LPCAT3: variants seen among roughly 807,000 people sequenced by gnomAD.
The protein encoded by LPCAT3 is lysophospholipid acyltransferase 5.
A neutral mutation model predicts 63.4 loss-of-function variants in LPCAT3; 21 were observed. The ratio of observed to expected loss-of-function variants is 0.33; its 90% CI spans 0.23 to 0.48. The LOEUF (loss-of-function observed/expected upper bound fraction) is 0.48, where lower values mean the gene tolerates loss of function less well. Ranked by LOEUF, LPCAT3 falls within the 20% of genes least tolerant of loss-of-function variation. The pLI is 0.99. For missense variants in LPCAT3, 451 were observed against 590.6 expected (o/e 0.76, Z 2.45); for synonymous variants, 242 against 227.5 (o/e 1.06, Z -0.58).
In LPCAT3 at chr12:6,981,108, G is replaced by C. The variant is rs1555154003; in HGVS notation, c.573C>G (p.Ser191=). ...CTACCAAGAAGGCCCCATAGAAGTA[G>C]GAGAAACCAGCAACTTCCAGCAGGG... ...VPSLLEVAGF[S]YFYGAFLVGP... is the part of the protein sequence containing the mutation. The change falls in exon 6 of 13, where the codon TCC becomes TCG. Residue 191 remains serine (S), a synonymous_variant. Coordinates refer to ENST00000261407, the MANE Select transcript of LPCAT3 (RefSeq NM_005768.6). 6.2e-7 allele frequency: 1 copy of C among 1,614,040 alleles called. No individual in the cohort carries two copies. The highest frequency in any genetic ancestry group is 8.5e-7 in the Non-Finnish European group (1 of 1,179,950).
At chr12:6,979,692 T>C in intron 6 of LPCAT3, 113 bp from the exon 7 acceptor site, 1 of 718,088 alleles carries the variant, frequency 1.4e-6, no homozygotes, top group Non-Finnish European at 2.4e-6. Context: ...CTACCTGGAA[T>C]GGGATGAGAA....
chr12:7,002,606 T>C (rs1298665604), intron 1 of LPCAT3, among the ~76,000 whole-genome samples: 30 of 152,270 alleles, frequency 2.0e-4, no homozygotes, highest in African/African-American at 7.2e-4. Flanking sequence ...ATTCTAAAGA[T>C]AACCATGAGA....
rs1946471897 is a variant in LPCAT3 at position 6,981,613 on chromosome 12, A to G, written c.480T>C (p.Phe160=). ...LKLIGLAVDY[F]DGGKDQNSLS... is the part of the protein sequence containing the mutation. ...TACTTACCTGATCTTTCCCTCCGTC[A>G]AAGTAGTCAACAGCCAAACCTGAGC... Residue 160 remains phenylalanine (F), a synonymous_variant, in exon 5 of 13, where the codon TTT becomes TTC. Coordinates refer to ENST00000261407, the MANE Select transcript of LPCAT3 (RefSeq NM_005768.6). 1.2e-6 allele frequency: 2 copies of G among 1,614,108 alleles called. No individual in the cohort carries two copies. Among genetic ancestry groups the G allele is most frequent in the Non-Finnish European group, 1.7e-6 (2 of 1,180,004 alleles).
At chr12:7,006,722 C>T (rs1470810707) in intron 1 of LPCAT3, among the ~76,000 whole-genome samples, 1 of 152,146 alleles carries the variant, frequency 6.6e-6, no homozygotes, top group Non-Finnish European at 1.5e-5. Flanking sequence ...CAACTTTAAT[C>T]AATCTTTTCC....
At chr12:6,993,828 TCTTGAATTC>T (rs1207392131) in intron 1 of LPCAT3, among the ~76,000 whole-genome samples, 1 of 152,210 alleles carries the variant, frequency 6.6e-6, no homozygotes, top group African/African-American at 2.4e-5. Context: ...CTCAGGCTGG[TCTTGAATTC>T]CTGAGCTCAA....
chr12:6,990,528 A>C (rs1404204555), intron 1 of LPCAT3, among the ~76,000 whole-genome samples: 6 of 115,504 alleles, frequency 5.2e-5, no homozygotes, highest in Admixed American at 4.8e-4. Context: ...ATTAAAATAA[A>C]ATAAATAAAT....
chr12:6,983,639 G>GA, intron 1 of LPCAT3, 100 bp from the exon 2 acceptor site: 181 of 688,300 alleles, frequency 2.6e-4, no homozygotes, highest in Non-Finnish European at 3.8e-4. Flanking sequence ...CAGAGGGAGA[G>GA]AGAAAAAAAA....
At chr12:6,991,423 T>C (rs1214472088) in intron 1 of LPCAT3, among the ~76,000 whole-genome samples, 1 of 152,246 alleles carries the variant, frequency 6.6e-6, no homozygotes, top group African/African-American at 2.4e-5. Flanking sequence ...CATAGATCAC[T>C]GCAAAATACT....
At chr12:7,015,954 C>T (rs1327386948) in intron 1 of LPCAT3, among the ~76,000 whole-genome samples, 4 of 152,140 alleles carry the variant, frequency 2.6e-5, no homozygotes, top group African/African-American at 9.7e-5. Flanking sequence ...TTCTTTATGT[C>T]AACAAACAAA....
In LPCAT3 at chr12:6,977,781, G is replaced by A; in HGVS notation, c.1041-36C>T. 2 of 1,612,498 alleles carry A rather than the reference G, an allele frequency of 1.2e-6. No individual in the cohort carries two copies. The highest frequency in any genetic ancestry group is 1.7e-6 in the Non-Finnish European group (2 of 1,179,372). On this transcript the variant is annotated intron_variant, in intron 9 of 12. Coordinates refer to ENST00000261407, the MANE Select transcript of LPCAT3 (RefSeq NM_005768.6). The surrounding 1 kb of genome is among the most constrained non-coding windows in gnomAD (Gnocchi z 4.5). The stretch of plus-strand genomic sequence containing the variant: ...GGGTGGGTGGGGCGACCCTCAAACT[G>A]ACTGGTCCTTGCATCCCGCCACCTG...
intron 1 of LPCAT3, among the ~76,000 whole-genome samples, chr12:6,989,537 A>T (rs1946567806): frequency 6.6e-6 from 1 of 151,980 alleles, no homozygotes; most frequent in South Asian, 2.1e-4. Context: ...TGACCTCGTG[A>T]TCCGCCCGCC....
rs1160824017 is a variant in LPCAT3 at position 6,987,787 on chromosome 12, T to C, written c.152-4248A>G. On this transcript the variant is annotated intron_variant, in intron 1 of 12. Transcript: ENST00000261407. The surrounding 1 kb of genome is among the most constrained non-coding windows in gnomAD (Gnocchi z 4.1). ...TCTAATTTAACATTTTCTAGGTGTC[T>C]GGATCGTATCTATTCCAGAGTAAAG... is the stretch of plus-strand genomic sequence containing the variant. 2.5e-5 allele frequency: 10 copies of C among 400,686 alleles called. No individual in the cohort carries two copies. Among genetic ancestry groups the C allele is most frequent in the Non-Finnish European group, 4.4e-5 (10 of 226,248 alleles). 24.8% of individuals were successfully genotyped at this position (400,686 alleles called of 1,614,324 possible).
At chr12:6,997,733 G>A (rs1555156205) in intron 1 of LPCAT3, among the ~76,000 whole-genome samples, 1 of 151,636 alleles carries the variant, frequency 6.6e-6, no homozygotes, top group African/African-American at 2.4e-5. Flanking sequence ...ATTACAGGCA[G>A]GCGCCACCAC....
chr12:7,018,162 C>T lies in LPCAT3; in HGVS notation c.151+112G>A. On this transcript the variant is annotated intron_variant, in intron 1 of 12. Coordinates refer to ENST00000261407, the MANE Select transcript of LPCAT3 (RefSeq NM_005768.6). The surrounding 1 kb of genome is among the most constrained non-coding windows in gnomAD (Gnocchi z 4.9). ...GTGTGCTTCAGGATTCACACCCGCA[C>T]CCGGCACAGCCCTCCCGGGTGGCTC... 1 of 1,303,104 alleles carries T rather than the reference C, an allele frequency of 7.7e-7. No individual in the cohort carries two copies. The highest frequency in any genetic ancestry group is 1.1e-6 in the Non-Finnish European group (1 of 933,236). The allele number at this position is 1,303,104 out of a possible 1,614,324, so 80.7% of individuals were successfully genotyped here. A position where few individuals can be genotyped will look rare whatever the true frequency, so the allele number is the denominator to read the frequency against.
Position 6,977,871 on chromosome 12 carries a change from A to G in LPCAT3, c.1041-126T>C. On this transcript the variant is annotated intron_variant, in intron 9 of 12. Coordinates refer to ENST00000261407, the MANE Select transcript of LPCAT3 (RefSeq NM_005768.6). This position sits in a 1 kb window ranked among gnomAD's most constrained non-coding sequence, Gnocchi z 4.5. Reference sequence around the variant, plus strand: ...GTGGGTTCCCACGTGTAGCCCCCAGAGGGTACAGGAGGCAGTGCTGACTGA... The same window carrying G: ...GTGGGTTCCCACGTGTAGCCCCCAGGGGGTACAGGAGGCAGTGCTGACTGA... 1.9e-6 allele frequency: 2 copies of G among 1,067,670 alleles called. No homozygotes were observed. Among genetic ancestry groups the G allele is most frequent in the Non-Finnish European group, 2.8e-6 (2 of 718,710 alleles). The allele number at this position is 1,067,670 out of a possible 1,614,324, so 66.1% of individuals were successfully genotyped here. A position where few individuals can be genotyped will look rare whatever the true frequency, so the allele number is the denominator to read the frequency against.
intron 1 of LPCAT3, among the ~76,000 whole-genome samples, chr12:6,993,038 A>G (rs1357512606): frequency 6.6e-6 from 1 of 152,198 alleles, no homozygotes; most frequent in Non-Finnish European, 1.5e-5. Context: ...GGAACCCACA[A>G]ATATGGAGGG....
chr12:6,983,294 C>T lies in LPCAT3; in HGVS notation c.259+138G>A. 3 of 658,480 alleles carry T rather than the reference C, an allele frequency of 4.6e-6. No individual in the cohort carries two copies. The South Asian group carries it at 5.6e-5, about 12-fold the overall frequency. 40.8% of individuals were successfully genotyped at this position (658,480 alleles called of 1,614,324 possible). On this transcript the variant is annotated intron_variant, in intron 2 of 12. Coordinates refer to ENST00000261407, the MANE Select transcript of LPCAT3 (RefSeq NM_005768.6). ...AAAAAGGAAAAGTTAAGCTGTGTTCCTCTTCATACAACCCTCTTTGCAAGT... is the reference window on the plus strand; with the variant it reads ...AAAAAGGAAAAGTTAAGCTGTGTTCTTCTTCATACAACCCTCTTTGCAAGT...
chr12:6,980,255 C>G (rs1555153906), intron 6 of LPCAT3, among the ~76,000 whole-genome samples: 1 of 151,964 alleles, frequency 6.6e-6, no homozygotes, highest in African/African-American at 2.4e-5. Context: ...GTTGCCCAGG[C>G]TGGTCTTGAA....
intron 1 of LPCAT3, among the ~76,000 whole-genome samples, chr12:7,011,114 G>A (rs1435593969): frequency 1.3e-5 from 2 of 152,106 alleles, no homozygotes; most frequent in African/African-American, 4.8e-5. Flanking sequence ...GTCCTGAGTT[G>A]AGCGGAGGAC....
Sources: allele counts gnomAD v4.1 joint callset (sites outside exome capture counted in the v4.1 genomes callset), GRCh38; gene constraint gnomAD v4.1.1; non-coding constraint Gnocchi (gnomAD v3.1); transcripts MANE v1.5; gene names NCBI Gene and HGNC (gene_info 2026-07-23, HGNC 2026-07-21).